The following TCF12 variants were observed in gnomAD, a reference collection of about 807,000 sequenced individuals.
TCF12 encodes DNA-binding protein HTF4.
In TCF12, 45 loss-of-function variants were observed where a neutral mutation model predicts 86.0. That is an observed-to-expected ratio of 0.52 (90% CI 0.41 to 0.67). The LOEUF is 0.67. Among genes scored for constraint, TCF12 ranks in the 30% least tolerant of loss-of-function variants. TCF12 has a pLI of 0.00. For synonymous variants in TCF12, 330 were observed against 299.6 expected, an observed-to-expected ratio of 1.10 and a Z score of -1.05; for missense variants, 881 against 859.9, an observed-to-expected ratio of 1.02 and a Z score of -0.31.
At chr15:57,272,088 CT>C (rs1383283698) in intron 18 of TCF12, among the ~76,000 whole-genome samples, 1 of 152,088 alleles carries the variant, frequency 6.6e-6, no homozygotes, top group African/African-American at 2.4e-5. Flanking sequence ...TCATGACTGG[CT>C]TTTTTTACTT....
chr15:57,042,539 G>A (rs1596269057), intron 3 of TCF12, among the ~76,000 whole-genome samples: 1 of 151,800 alleles, frequency 6.6e-6, no homozygotes, highest in South Asian at 2.1e-4. Context: ...TCTGCCTCCC[G>A]AGGAGCCAGT....
chr15:57,097,053 A>T (rs143517516), intron 5 of TCF12, among the ~76,000 whole-genome samples: 7 of 152,266 alleles, frequency 4.6e-5, no homozygotes, highest in Admixed American at 2.6e-4. Flanking sequence ...TTGTCTGGGA[A>T]TTTAAGCCCA....
chr15:57,093,501 T>C (rs532479421), intron 5 of TCF12, among the ~76,000 whole-genome samples: 1 of 152,342 alleles, frequency 6.6e-6, no homozygotes, highest in African/African-American at 2.4e-5. Context: ...AGATGACTTT[T>C]AGGCCCAATG....
chr15:56,962,609 C>T (rs550752028), intron 3 of TCF12, among the ~76,000 whole-genome samples: 9 of 152,310 alleles, frequency 5.9e-5, no homozygotes, highest in Non-Finnish European at 1.2e-4. Flanking sequence ...CAGACCACCA[C>T]AGTTCAAATA....
intron 7 of TCF12, among the ~76,000 whole-genome samples, chr15:57,196,078 A>G (rs2057249116): frequency 6.6e-6 from 1 of 151,978 alleles, no homozygotes; most frequent in South Asian, 2.1e-4. Context: ...TAATCCCAGC[A>G]CTTTGGGAGG....
intron 3 of TCF12, among the ~76,000 whole-genome samples, chr15:57,052,507 G>C (rs1336802601): frequency 5.3e-5 from 8 of 151,774 alleles, no homozygotes. Flanking sequence ...CCTGGTAGTG[G>C]GTGCCTGTAA....
chr15:57,066,007 T>C (rs1401485109), intron 4 of TCF12, among the ~76,000 whole-genome samples: 10 of 152,174 alleles, frequency 6.6e-5, no homozygotes, highest in African/African-American at 2.4e-4. Flanking sequence ...TTTTTCTCCT[T>C]CTATCCTAGT....
chr15:57,096,017 G>A (rs1427335445), intron 5 of TCF12, among the ~76,000 whole-genome samples: 1 of 152,174 alleles, frequency 6.6e-6, no homozygotes, highest in Non-Finnish European at 1.5e-5. Context: ...CTGACTCTTA[G>A]TTGAATGCTG....
intron 3 of TCF12, among the ~76,000 whole-genome samples, chr15:56,973,900 C>G (rs1233051309): frequency 2.0e-5 from 3 of 152,038 alleles, no homozygotes; most frequent in African/African-American, 7.2e-5. Context: ...AAATCTAAAA[C>G]CTGAATCTAA....
At chr15:56,982,627 A>T (rs1311575150) in intron 3 of TCF12, among the ~76,000 whole-genome samples, 1 of 152,174 alleles carries the variant, frequency 6.6e-6, no homozygotes, top group African/African-American at 2.4e-5. Flanking sequence ...TAAAAGAAAA[A>T]AATTAAATTT....
chr15:57,233,546 C>T (rs1468013504), intron 11 of TCF12, among the ~76,000 whole-genome samples: 1 of 152,052 alleles, frequency 6.6e-6, no homozygotes, highest in Non-Finnish European at 1.5e-5. Context: ...AGCTCTCTCA[C>T]TCTGTGGCTA....
At chr15:57,029,635 A>G (rs759330571) in intron 3 of TCF12, among the ~76,000 whole-genome samples, 11 of 152,208 alleles carry the variant, frequency 7.2e-5, no homozygotes, top group Non-Finnish European at 1.5e-4. Flanking sequence ...GTATAAGTCA[A>G]TAAACTTTGA....
At chr15:57,190,745 C>A (rs1012292639) in intron 6 of TCF12, among the ~76,000 whole-genome samples, 3 of 152,166 alleles carry the variant, frequency 2.0e-5, no homozygotes, top group Admixed American at 6.6e-5. Flanking sequence ...CACAAAGTCT[C>A]ATAATGTCAC....
intron 5 of TCF12, among the ~76,000 whole-genome samples, chr15:57,148,045 A>AT (rs1354486348): frequency 6.6e-6 from 1 of 150,994 alleles, no homozygotes; most frequent in African/African-American, 2.4e-5. Flanking sequence ...TGCCCTGCTA[A>AT]TTTTTTTTTA....
chr15:57,218,028 A>G (rs553301124), intron 8 of TCF12, among the ~76,000 whole-genome samples: 8 of 152,218 alleles, frequency 5.3e-5, no homozygotes, highest in African/African-American at 7.2e-5. Context: ...TGTTGTTCCA[A>G]TACTATCAGC....
At chr15:57,219,368 A>G in intron 8 of TCF12, 1 of 1,291,654 alleles carries the variant, frequency 7.7e-7, no homozygotes, top group South Asian at 2.9e-5. Context: ...GTGCTCTGTG[A>G]GTTGGTTCAG....
intron 3 of TCF12, among the ~76,000 whole-genome samples, chr15:56,960,366 A>C (rs2061688773): frequency 6.6e-6 from 1 of 151,728 alleles, no homozygotes; most frequent in Non-Finnish European, 1.5e-5. Context: ...AATTGCTTTG[A>C]TATTTCAGGT....
chr15:57,075,834 CT>C lies in TCF12; in HGVS notation c.222+12015del, dbSNP rs748324616. On this transcript the variant is annotated intron_variant, in intron 4 of 20. Transcript: ENST00000333725. ...TCTCTCTCTCTCTCTCTCTCTCTCT[CT>C]TTTCTTTCTTTCTTTCTTTCTTTCT... 3.2e-3 allele frequency among the ~76,000 whole-genome samples: 154 copies of C among 48,782 alleles called. 1 individual carries two copies. The highest frequency in any genetic ancestry group is 8.3e-3 in the East Asian group (8 of 968). The allele number at this position is 48,782 out of a possible 152,430, so 32.0% of individuals were successfully genotyped here. A position where few individuals can be genotyped will look rare whatever the true frequency, so the allele number is the denominator to read the frequency against.
At chr15:56,991,601 T>C (rs2063462192) in intron 3 of TCF12, among the ~76,000 whole-genome samples, 1 of 152,230 alleles carries the variant, frequency 6.6e-6, no homozygotes, top group Admixed American at 6.5e-5. Context: ...TCTGTGAATT[T>C]AGAGCTATAC....
Sources: allele counts gnomAD v4.1 joint callset (sites outside exome capture counted in the v4.1 genomes callset), GRCh38; gene constraint gnomAD v4.1.1; transcripts MANE v1.5; gene names NCBI Gene and HGNC (gene_info 2026-07-23, HGNC 2026-07-21).